The following CSMD1 variants were observed in gnomAD, a reference collection of about 807,000 sequenced individuals.
The protein encoded by CSMD1 is CUB and Sushi multiple domains 1.
CSMD1 carries 213 observed loss-of-function variants against 417.5 expected under a neutral mutation model. The observed-to-expected ratio is 0.51, with a 90% CI of 0.46 to 0.57. The LOEUF (loss-of-function observed/expected upper bound fraction) is 0.57. Ranked by LOEUF, CSMD1 falls within the 20% of genes least tolerant of loss-of-function variation. CSMD1 has a pLI of 0.00. For missense variants in CSMD1, 6,923 were observed against 4,529.7 expected, an observed-to-expected ratio of 1.53 and a Z score of -15.17; for synonymous variants, 2,862 against 1,736.8, an observed-to-expected ratio of 1.65 and a Z score of -16.11.
chr8:4,028,281 T>G (rs561455307), intron 4 of CSMD1, among the ~76,000 whole-genome samples: 1 of 152,268 alleles, frequency 6.6e-6, no homozygotes, highest in Admixed American at 6.5e-5. Context: ...AGCAAGTCAC[T>G]TTTCCTACCT....
At chr8:4,477,294 G>C (rs1043657657) in intron 2 of CSMD1, among the ~76,000 whole-genome samples, 2 of 152,142 alleles carry the variant, frequency 1.3e-5, no homozygotes, top group South Asian at 2.1e-4. Flanking sequence ...GGCTGAGCTG[G>C]TCCTCACCGT....
rs1022362645 is a variant in CSMD1 at position 3,284,111 on chromosome 8, C to G, written c.4153+33G>C. 8.7e-6 allele frequency: 13 copies of G among 1,489,868 alleles called. No homozygotes were observed. The East Asian group carries it at 1.7e-4, about 20-fold the overall frequency. 92.3% of individuals were successfully genotyped at this position (1,489,868 alleles called of 1,614,324 possible). On this transcript the variant is annotated intron_variant, in intron 26 of 69. Transcript: ENST00000635120. ...TGTGTTCATGACAAGACTTTGATAT[C>G]AAGGTAAAGAAGAAGCACGCTGTGC...
chr8:4,087,254 T>C (rs1800468386), intron 3 of CSMD1, among the ~76,000 whole-genome samples: 1 of 152,142 alleles, frequency 6.6e-6, no homozygotes, highest in Non-Finnish European at 1.5e-5. Context: ...TGGCCATGGT[T>C]TCACAGTTCA....
intron 30 of CSMD1, among the ~76,000 whole-genome samples, chr8:3,210,960 T>C (rs552240521): frequency 2.6e-5 from 4 of 151,122 alleles, no homozygotes; most frequent in Non-Finnish European, 4.4e-5. Flanking sequence ...GCTAAAGATA[T>C]CTGAAGTGGG....
chr8:4,399,599 A>G (rs111550248), intron 3 of CSMD1, among the ~76,000 whole-genome samples: 25 of 152,008 alleles, frequency 1.6e-4, no homozygotes, highest in African/African-American at 5.6e-4. Context: ...GGATCTTGCC[A>G]TATTTGTAGT....
intron 4 of CSMD1, among the ~76,000 whole-genome samples, chr8:4,026,895 C>G (rs951371020): frequency 5.9e-5 from 9 of 151,936 alleles, no homozygotes; most frequent in Non-Finnish European, 4.4e-5. Context: ...TAGTATGCTG[C>G]TGAGCGAATT....
chr8:3,714,257 T>C (rs1425292060), intron 6 of CSMD1, among the ~76,000 whole-genome samples: 1 of 143,410 alleles, frequency 7.0e-6, no homozygotes, highest in Non-Finnish European at 1.5e-5. Context: ...TGTTCTCTAA[T>C]TTAATTTGTC....
At chr8:3,593,097 A>G (rs1206330015) in intron 8 of CSMD1, among the ~76,000 whole-genome samples, 2 of 152,308 alleles carry the variant, frequency 1.3e-5, no homozygotes, top group East Asian at 3.9e-4. Context: ...GTCCTGCTTA[A>G]AGCGGTCTGG....
intron 51 of CSMD1, among the ~76,000 whole-genome samples, chr8:3,023,125 C>T (rs567735013): frequency 1.2e-4 from 18 of 152,282 alleles, no homozygotes; most frequent in East Asian, 3.9e-4. Flanking sequence ...CGGATATAGA[C>T]GAAATACATC....
chr8:4,107,150 C>A (rs529992083), intron 3 of CSMD1, among the ~76,000 whole-genome samples: 10 of 152,296 alleles, frequency 6.6e-5, no homozygotes, highest in African/African-American at 2.4e-4. Flanking sequence ...CTACTACACA[C>A]AATTCCAGTC....
chr8:4,889,977 A>G (rs1040981187), intron 1 of CSMD1, among the ~76,000 whole-genome samples: 1 of 152,158 alleles, frequency 6.6e-6, no homozygotes, highest in Non-Finnish European at 1.5e-5. Flanking sequence ...CACAACTATG[A>G]AACAGAAATA....
chr8:4,812,105 G>A lies in CSMD1; in HGVS notation c.86-174547C>T, dbSNP rs1007997455. On this transcript the variant is annotated intron_variant, in intron 1 of 69. Transcript: ENST00000635120. ...TCGAAAATTCCTACGCAGCTGGACAGGAGTCTCAGGAATGAGAACACAACC... is the reference window on the plus strand; with the variant it reads ...TCGAAAATTCCTACGCAGCTGGACAAGAGTCTCAGGAATGAGAACACAACC... Among the ~76,000 whole-genome samples, 3 of 152,142 alleles carry A rather than the reference G, an allele frequency of 2.0e-5. No homozygotes were observed. The East Asian group carries it at 5.8e-4, about 29-fold the overall frequency.
chr8:4,920,413 A>G (rs1031619272), intron 1 of CSMD1, among the ~76,000 whole-genome samples: 2 of 152,226 alleles, frequency 1.3e-5, no homozygotes, highest in Non-Finnish European at 2.9e-5. Flanking sequence ...GAATTCACTC[A>G]TATCTTGAAA....
intron 6 of CSMD1, among the ~76,000 whole-genome samples, chr8:3,710,778 GC>G (rs1801461985): frequency 6.6e-6 from 1 of 152,146 alleles, no homozygotes; most frequent in South Asian, 2.1e-4. Flanking sequence ...GACACCGCCA[GC>G]TCATATCAGG....
chr8:4,420,857 C>G (rs1294181272), intron 2 of CSMD1, among the ~76,000 whole-genome samples: 1 of 152,156 alleles, frequency 6.6e-6, no homozygotes, highest in African/African-American at 2.4e-5. Context: ...AATCCACAAA[C>G]TCCTGTGCTG....
intron 3 of CSMD1, among the ~76,000 whole-genome samples, chr8:4,099,869 G>C (rs1313407830): frequency 1.3e-5 from 2 of 152,060 alleles, no homozygotes; most frequent in East Asian, 1.9e-4. Flanking sequence ...GTTTATTTAA[G>C]TTTTAGTTGT....
chr8:3,324,871 T>G (rs1368153057), intron 23 of CSMD1, among the ~76,000 whole-genome samples: 1 of 152,180 alleles, frequency 6.6e-6, no homozygotes, highest in Non-Finnish European at 1.5e-5. Context: ...TATTCCCAAT[T>G]GCCTTGGTAT....
chr8:4,878,793 C>T (rs1365498421), intron 1 of CSMD1, among the ~76,000 whole-genome samples: 2 of 151,662 alleles, frequency 1.3e-5, no homozygotes, highest in Non-Finnish European at 2.9e-5. Context: ...TGAGTTTATC[C>T]CTCCTCTATG....
At chr8:3,296,471 A>G (rs1276214632) in intron 25 of CSMD1, among the ~76,000 whole-genome samples, 1 of 152,090 alleles carries the variant, frequency 6.6e-6, no homozygotes, top group African/African-American at 2.4e-5. Flanking sequence ...TAAGGATGAT[A>G]CACCGATGCG....
Sources: gnomAD v4.1 joint callset for allele counts (sites outside exome capture counted in the v4.1 genomes callset) on GRCh38, gnomAD v4.1.1 for gene constraint, MANE v1.5 for transcripts, NCBI Gene and HGNC (gene_info 2026-07-23, HGNC 2026-07-21) for gene names.